GPHN: variants seen among roughly 807,000 people sequenced by gnomAD.
The protein encoded by GPHN is gephyrin.
A neutral mutation model predicts 95.5 loss-of-function variants in GPHN; 17 were observed. The observed-to-expected ratio is 0.18, with a 90% CI of 0.12 to 0.27. The LOEUF is 0.27. Ranked by LOEUF, GPHN falls within the 10% of genes least tolerant of loss-of-function variation. The probability of loss-of-function intolerance (pLI) is 1.00; values close to 1 mark genes in which losing one functional copy is unlikely to be tolerated. For missense variants in GPHN, 660 were observed against 978.1 expected, an observed-to-expected ratio of 0.67 and a Z score of 4.34; for synonymous variants, 320 against 322.5, an observed-to-expected ratio of 0.99 and a Z score of 0.08.
chr14:66,782,762 G>A (rs1417318468), intron 3 of GPHN, among the ~76,000 whole-genome samples: 2 of 152,142 alleles, frequency 1.3e-5, no homozygotes, highest in East Asian at 1.9e-4. Context: ...GAACCCGGGA[G>A]GTGGAGGATG....
At chr14:67,592,584 A>C in the GPHN span, 10 of 1,079,348 alleles carry the variant, frequency 9.3e-6, no homozygotes, top group Admixed American at 1.8e-5. Flanking sequence ...TACATTCCTA[A>C]TGAAAAGGTT....
the GPHN span, among the ~76,000 whole-genome samples, chr14:67,671,265 C>G: frequency 6.6e-6 from 1 of 152,196 alleles, no homozygotes; most frequent in African/African-American, 2.4e-5. Flanking sequence ...GTGGCTCACA[C>G]CTGTAATCCT....
intron 18 of GPHN, among the ~76,000 whole-genome samples, chr14:67,150,453 C>CAAA (rs1164806975): frequency 0.013 from 1,313 of 98,106 alleles, 57 homozygotes; most frequent in African/African-American, 0.04. Flanking sequence ...AAAAAAAAAA[C>CAAA]AAAAAAAAAA....
At chr14:67,488,310 G>A in the GPHN span, among the ~76,000 whole-genome samples, 11 of 152,358 alleles carry the variant, frequency 7.2e-5, no homozygotes, top group African/African-American at 2.4e-4. Context: ...CCAGGCAGCC[G>A]AGGAGAAGTG....
At chr14:66,923,766 C>G (rs1195855708) in intron 7 of GPHN, among the ~76,000 whole-genome samples, 1 of 151,208 alleles carries the variant, frequency 6.6e-6, no homozygotes, top group African/African-American at 2.4e-5. Context: ...TATGGATTAT[C>G]CAGTTATTTT....
At chr14:66,571,671 C>A (rs577128375) in intron 1 of GPHN, among the ~76,000 whole-genome samples, 1 of 152,160 alleles carries the variant, frequency 6.6e-6, no homozygotes, top group East Asian at 1.9e-4. Context: ...ATTAGCCAGG[C>A]GTGGTGGCAG....
intron 1 of GPHN, among the ~76,000 whole-genome samples, chr14:66,639,411 A>G (rs2064274631): frequency 6.6e-6 from 1 of 152,146 alleles, no homozygotes; most frequent in African/African-American, 2.4e-5. Context: ...TATGTACAAG[A>G]TGGATGTGTC....
chr14:67,595,324 C>T, the GPHN span, among the ~76,000 whole-genome samples: 1,063 of 152,152 alleles, frequency 7.0e-3, 15 homozygotes, highest in African/African-American at 0.024. Flanking sequence ...CTTGAAGTAC[C>T]GTTCCTACTG....
chr14:67,485,514 G>A, the GPHN span, among the ~76,000 whole-genome samples: 1 of 152,168 alleles, frequency 6.6e-6, no homozygotes, highest in South Asian at 2.1e-4. Flanking sequence ...GAAGCTCTGG[G>A]TTCCCATGGA....
At chr14:66,599,461 G>A (rs1003115832) in intron 1 of GPHN, among the ~76,000 whole-genome samples, 3 of 130,922 alleles carry the variant, frequency 2.3e-5, no homozygotes, top group East Asian at 2.3e-4. Context: ...CAGTCTTCTC[G>A]ATTATTTTAA....
intron 21 of GPHN, among the ~76,000 whole-genome samples, chr14:67,173,952 C>T (rs955302253): frequency 2.6e-5 from 4 of 151,838 alleles, no homozygotes; most frequent in African/African-American, 7.3e-5. Flanking sequence ...TTTGTCAGGC[C>T]GAAGACTTTC....
the GPHN span, among the ~76,000 whole-genome samples, chr14:67,230,205 A>G: frequency 6.6e-6 from 1 of 152,206 alleles, no homozygotes; most frequent in Non-Finnish European, 1.5e-5. Flanking sequence ...ATTTGTATCT[A>G]GCAACACAAT....
chr14:67,691,988 A>C, the GPHN span: 1 of 156,286 alleles, frequency 6.4e-6, no homozygotes, highest in Non-Finnish European at 1.4e-5. Flanking sequence ...AAGAGATGGT[A>C]AACTTCTTTG....
chr14:67,180,004 G>A (rs1336635031), intron 22 of GPHN, among the ~76,000 whole-genome samples: 1 of 152,168 alleles, frequency 6.6e-6, no homozygotes, highest in Non-Finnish European at 1.5e-5. Context: ...TGTAGGAAAA[G>A]GAGGAGATTC....
intron 8 of GPHN, among the ~76,000 whole-genome samples, chr14:66,961,926 A>ATG (rs2068955263): frequency 1.3e-5 from 1 of 79,070 alleles, no homozygotes; most frequent in Non-Finnish European, 2.0e-5. Flanking sequence ...ATATATATAT[A>ATG]TATATATATA....
chr14:67,329,323 A>G, the GPHN span, among the ~76,000 whole-genome samples: 1 of 152,150 alleles, frequency 6.6e-6, no homozygotes, highest in Admixed American at 6.6e-5. Context: ...CTGCACATTG[A>G]TTTTGTATCC....
At chr14:67,602,759 C>T in the GPHN span, among the ~76,000 whole-genome samples, 1 of 152,200 alleles carries the variant, frequency 6.6e-6, no homozygotes, top group South Asian at 2.1e-4. Context: ...TTTCTTTTCA[C>T]AATAATTGTT....
At chr14:67,411,555 C>G in the GPHN span, among the ~76,000 whole-genome samples, 1 of 152,134 alleles carries the variant, frequency 6.6e-6, no homozygotes, top group African/African-American at 2.4e-5. Context: ...TTCGTTTTCC[C>G]CCTTGATGAA....
chr14:67,441,051 A>G, the GPHN span, among the ~76,000 whole-genome samples: 1 of 152,228 alleles, frequency 6.6e-6, no homozygotes, highest in Non-Finnish European at 1.5e-5. Flanking sequence ...CGGAGCATCA[A>G]CTTTTCCTTA....
Sources: gnomAD v4.1 joint callset for allele counts (sites outside exome capture counted in the v4.1 genomes callset) on GRCh38, gnomAD v4.1.1 for gene constraint, MANE v1.5 for transcripts, NCBI Gene and HGNC (gene_info 2026-07-23, HGNC 2026-07-21) for gene names.